HPRT1: variants seen among roughly 807,000 people sequenced by gnomAD.
The protein encoded by HPRT1 is hypoxanthine-guanine phosphoribosyltransferase.
HPRT1 carries 4 observed loss-of-function variants against 19.0 expected under a neutral mutation model. The ratio of observed to expected loss-of-function variants is 0.21; its 90% CI spans 0.10 to 0.48. The LOEUF is 0.48. HPRT1 is among the 20% of genes least tolerant of loss of function. HPRT1 has a pLI of 0.98. For missense variants in HPRT1, 65 were observed against 164.0 expected (o/e 0.40, Z 3.30); for synonymous variants, 53 against 54.9 (o/e 0.97, Z 0.15).
chrX:134,467,598 A>C (rs753307953), intron 1 of HPRT1, among the ~76,000 whole-genome samples: 1 of 111,666 alleles, frequency 9.0e-6, no homozygotes, highest in South Asian at 3.7e-4. Flanking sequence ...GCCACCAAGT[A>C]GATTTCTGTC....
rs778717401 is a variant in HPRT1 at position 134,481,608 on chromosome X, CAG to C, written c.319-4856_319-4855del. 1.9e-3 allele frequency among the ~76,000 whole-genome samples: 215 copies of C among 110,268 alleles called. 1 individual carries two copies. Among genetic ancestry groups the C allele is most frequent in the Non-Finnish European group, 3.0e-3 (161 of 52,881 alleles). On this transcript the variant is annotated intron_variant, in intron 3 of 8. Transcript: ENST00000298556. ...CTATTTATTGAATCGAGACCATAGA[CAG>C]GGGTGAGAGAAAGAATTTGGCAGGA...
chrX:134,475,785 T>TC (rs17879579), intron 3 of HPRT1, among the ~76,000 whole-genome samples: 1,544 of 110,490 alleles, frequency 0.014, 32 homozygotes, highest in African/African-American at 0.048. Context: ...ATTGAAGAAA[T>TC]CCCCCTTTTT....
At chrX:134,471,471 A>G (rs1380990267) in intron 1 of HPRT1, among the ~76,000 whole-genome samples, 1 of 111,394 alleles carries the variant, frequency 9.0e-6, no homozygotes, top group Admixed American at 9.6e-5. Flanking sequence ...ATATTAGAGT[A>G]TCTTTTATGA....
intron 3 of HPRT1, among the ~76,000 whole-genome samples, chrX:134,476,463 GTGATTGAT>G (rs17882974): frequency 2.7e-5 from 3 of 112,159 alleles, no homozygotes; most frequent in African/African-American, 6.5e-5. Flanking sequence ...CTCAACAAAA[GTGATTGAT>G]TGATTGATTG....
chrX:134,468,001 G>A (rs774642964), intron 1 of HPRT1, among the ~76,000 whole-genome samples: 30 of 107,449 alleles, frequency 2.8e-4, no homozygotes, highest in African/African-American at 5.1e-4. Context: ...TAGTAGAGAC[G>A]GGGTTTTACC....
chrX:134,488,772 C>T (rs900112466), intron 4 of HPRT1, among the ~76,000 whole-genome samples: 11 of 111,364 alleles, frequency 9.9e-5, no homozygotes, highest in Non-Finnish European at 2.1e-4. Flanking sequence ...ATTAAATTTG[C>T]AGTTTACTTA....
chrX:134,479,951 T>A (rs2077634995), intron 3 of HPRT1, among the ~76,000 whole-genome samples: 1 of 110,129 alleles, frequency 9.1e-6, no homozygotes, highest in African/African-American at 3.3e-5. Flanking sequence ...ATTTTATTTT[T>A]TTACCAAAAA....
intron 5 of HPRT1, among the ~76,000 whole-genome samples, chrX:134,492,686 A>T (rs2124301600): frequency 8.9e-6 from 1 of 112,285 alleles, no homozygotes; most frequent in African/African-American, 3.2e-5. Context: ...CTAGTCTACC[A>T]CATAACCTAA....
At chrX:134,485,461 A>G (rs910558898) in intron 3 of HPRT1, among the ~76,000 whole-genome samples, 1 of 111,774 alleles carries the variant, frequency 8.9e-6, no homozygotes, top group Non-Finnish European at 1.9e-5. Flanking sequence ...TATTTTTTAC[A>G]TTTAGATTTT....
At chrX:134,498,320 C>T (rs1324140785) in intron 6 of HPRT1, 70 bp from the exon 7 acceptor site, 39 of 831,587 alleles carry the variant, frequency 4.7e-5, no homozygotes, top group East Asian at 6.2e-5. Flanking sequence ...TGTTTAGAAA[C>T]GTCAGTCTTC....
At chrX:134,482,390 T>C (rs2077642744) in intron 3 of HPRT1, among the ~76,000 whole-genome samples, 1 of 112,267 alleles carries the variant, frequency 8.9e-6, no homozygotes, top group Non-Finnish European at 1.9e-5. Context: ...GCACTTACTC[T>C]TCAATCTTTT....
At chrX:134,480,267 C>T (rs1198230366) in intron 3 of HPRT1, among the ~76,000 whole-genome samples, 2 of 111,086 alleles carry the variant, frequency 1.8e-5, no homozygotes, top group African/African-American at 6.5e-5. Context: ...CTGCAGAACT[C>T]AGAGTCACTC....
At chrX:134,490,485 A>T (rs2077663490) in intron 5 of HPRT1, among the ~76,000 whole-genome samples, 1 of 71,408 alleles carries the variant, frequency 1.4e-5, no homozygotes, top group Non-Finnish European at 2.3e-5. Flanking sequence ...ATATACATAT[A>T]TATCTTATAT....
chrX:134,489,045 C>T (rs1296955313), intron 4 of HPRT1, among the ~76,000 whole-genome samples: 2 of 111,895 alleles, frequency 1.8e-5, no homozygotes, highest in African/African-American at 3.2e-5. Flanking sequence ...GCTAGCCTTA[C>T]TTCATTCTGT....
intron 3 of HPRT1, 139 bp from the exon 4 acceptor site, chrX:134,486,326 T>G: frequency 3.4e-6 from 1 of 290,543 alleles, no homozygotes. Flanking sequence ...AATATCATAA[T>G]GCTATGGATA....
intron 1 of HPRT1, among the ~76,000 whole-genome samples, chrX:134,464,783 G>A (rs1036173560): frequency 9.1e-6 from 1 of 109,735 alleles, no homozygotes; most frequent in African/African-American, 3.3e-5. Context: ...TGGCCAGGAT[G>A]GTCTCCATCT....
At chrX:134,463,378 G>A (rs996526975) in intron 1 of HPRT1, among the ~76,000 whole-genome samples, 6 of 111,662 alleles carry the variant, frequency 5.4e-5, no homozygotes, top group African/African-American at 1.3e-4. Context: ...TGCCCTAGCC[G>A]AGCTTACCCT....
At chrX:134,480,973 T>C (rs1403453667) in intron 3 of HPRT1, among the ~76,000 whole-genome samples, 1 of 109,530 alleles carries the variant, frequency 9.1e-6, no homozygotes, top group Non-Finnish European at 1.9e-5. Flanking sequence ...GAGTATTTTA[T>C]TTTAAATAAA....
At chrX:134,480,590 C>T (rs1453607332) in intron 3 of HPRT1, among the ~76,000 whole-genome samples, 5 of 102,150 alleles carry the variant, frequency 4.9e-5, no homozygotes, top group East Asian at 6.3e-4. Context: ...ACTACAAGTG[C>T]GTGCCATCAC....
Sources: allele counts gnomAD v4.1 joint callset (sites outside exome capture counted in the v4.1 genomes callset), GRCh38; gene constraint gnomAD v4.1.1; transcripts MANE v1.5; gene names NCBI Gene and HGNC (gene_info 2026-07-23, HGNC 2026-07-21).